The following ERI1 variants were observed in gnomAD, a reference collection of about 807,000 sequenced individuals.
ERI1 encodes exoribonuclease 1.
Under a neutral mutation model 39.7 loss-of-function variants are expected in ERI1, and 39 were observed. The ratio of observed to expected loss-of-function variants is 0.98; its 90% CI spans 0.76 to 1.28. The LOEUF is 1.28. Ranked by LOEUF, ERI1 falls within the 50% of genes most tolerant of loss-of-function variation. The probability of loss-of-function intolerance (pLI) is 0.00; values close to 1 mark genes in which losing one functional copy is unlikely to be tolerated. For synonymous variants in ERI1, 204 were observed against 149.6 expected, an observed-to-expected ratio of 1.36 and a Z score of -2.65; for missense variants, 581 against 416.9, an observed-to-expected ratio of 1.39 and a Z score of -3.43.
chr8:9,074,648 G>A (rs1221130744), intron 3 of ERI1, among the ~76,000 whole-genome samples: 1 of 152,054 alleles, frequency 6.6e-6, no homozygotes, highest in Non-Finnish European at 1.5e-5. Flanking sequence ...TGCCCAGGCT[G>A]GTCTCAAACT....
intron 3 of ERI1, among the ~76,000 whole-genome samples, chr8:9,042,922 T>C (rs1250898888): frequency 6.6e-6 from 1 of 152,210 alleles, no homozygotes. Context: ...CCCTGCATGC[T>C]CCCACGCGCA....
rs139752113 is a variant in ERI1 at position 9,028,219 on chromosome 8, G to C, written c.808-1573G>C. Among the ~76,000 whole-genome samples, 118 of 152,240 alleles carry C rather than the reference G, an allele frequency of 7.8e-4. 1 individual carries two copies. Among genetic ancestry groups the C allele is most frequent in the South Asian group, 5.2e-3 (25 of 4,828 alleles). ...TGGTTCAGCGCTTTTCTTTGTTAGA[G>C]GTTTTCAGTTACTGATTCAGTCTCC... On this transcript the variant is annotated intron_variant, in intron 6 of 6. Transcript: ENST00000250263.
intron 3 of ERI1, among the ~76,000 whole-genome samples, chr8:9,046,361 C>T (rs1204540768): frequency 3.9e-5 from 6 of 152,178 alleles, no homozygotes; most frequent in African/African-American, 9.7e-5. Flanking sequence ...AGCACATATG[C>T]GAGACTGCCT....
At chr8:9,057,035 G>A (rs1230930670) in intron 3 of ERI1, among the ~76,000 whole-genome samples, 4 of 152,146 alleles carry the variant, frequency 2.6e-5, no homozygotes, top group African/African-American at 4.8e-5. Context: ...GTTTCAACAC[G>A]TTGGCCAGGC....
At chr8:9,035,649 A>C (rs1351987310), downstream of ERI1, among the ~76,000 whole-genome samples, 1 of 152,246 alleles carries the variant, frequency 6.6e-6, no homozygotes, top group Non-Finnish European at 1.5e-5. Context: ...AAGGAGATTA[A>C]TGTTGGTTTT....
chr8:9,044,978 C>T (rs866400519), intron 3 of ERI1, among the ~76,000 whole-genome samples: 1 of 152,150 alleles, frequency 6.6e-6, no homozygotes, highest in Non-Finnish European at 1.5e-5. Flanking sequence ...TGGCTCAAGC[C>T]TGTAATCCCA....
chr8:9,037,276 C>T (rs1364556567), downstream of ERI1, among the ~76,000 whole-genome samples: 4 of 152,194 alleles, frequency 2.6e-5, no homozygotes, highest in Non-Finnish European at 5.9e-5. Flanking sequence ...ATCACACTCG[C>T]GTTGAGTCGC....
downstream of ERI1, among the ~76,000 whole-genome samples, chr8:9,038,133 C>G (rs144249711): frequency 7.9e-5 from 12 of 152,308 alleles, no homozygotes; most frequent in African/African-American, 2.4e-4. Flanking sequence ...TCAGTGGAGT[C>G]TCCATACCAT....
At chr8:9,026,722 A>C (rs1460297167) in intron 6 of ERI1, among the ~76,000 whole-genome samples, 4 of 152,194 alleles carry the variant, frequency 2.6e-5, no homozygotes, top group African/African-American at 9.7e-5. Context: ...CAGGTTTTGG[A>C]ATTTTGGATT....
chr8:9,028,831 C>T (rs1797377383), intron 6 of ERI1, among the ~76,000 whole-genome samples: 1 of 151,942 alleles, frequency 6.6e-6, no homozygotes, highest in South Asian at 2.1e-4. Context: ...ACCATGTTGG[C>T]CAGGCTGGTC....
At chr8:9,064,242 TGG>T (rs1798796014) in intron 3 of ERI1, among the ~76,000 whole-genome samples, 4 of 600 alleles carry the variant, frequency 6.7e-3, no homozygotes, top group African/African-American at 6.4e-3. Flanking sequence ...GAAGGGGGGT[TGG>T]GGGGGTTTCT....
At chr8:9,008,976 C>G (rs1001669241) in intron 2 of ERI1, 3 of 456,076 alleles carry the variant, frequency 6.6e-6, no homozygotes, top group Non-Finnish European at 1.3e-5. Context: ...TTGTCTACAT[C>G]ATAATGTATG....
intron 3 of ERI1, among the ~76,000 whole-genome samples, chr8:9,063,795 A>C (rs915945987): frequency 6.6e-6 from 1 of 152,148 alleles, no homozygotes; most frequent in Admixed American, 6.5e-5. Flanking sequence ...GAACCACTGT[A>C]GAGTTTATAC....
rs1395641535 is a variant in ERI1, at chr8:9,030,871, TA to T, written c.*839del. 6.6e-6 allele frequency: 1 copy of T among 152,196 alleles called. No individual in the cohort carries two copies. Among genetic ancestry groups the T allele is most frequent in the Non-Finnish European group, 1.5e-5 (1 of 68,004 alleles). The allele number at this position is 152,196 out of a possible 1,614,324, so 9.4% of individuals were successfully genotyped here. The stretch of plus-strand genomic sequence containing the variant: ...TAATTTTACTTTGTATTCAGTATCG[TA>T]AGTGAGGTTAATAAAGTCAATACTT... On this transcript the variant is annotated 3_prime_UTR_variant, in exon 7 of 7. Transcript: ENST00000250263.
chr8:9,090,436 T>C (rs1166646035), intron 3 of ERI1, among the ~76,000 whole-genome samples: 1 of 152,216 alleles, frequency 6.6e-6, no homozygotes, highest in Non-Finnish European at 1.5e-5. Context: ...TGAAGATCTA[T>C]GTTAAGGGTA....
At chr8:9,020,493 G>T in intron 6 of ERI1, 29 bp downstream of exon 6, 1 of 1,326,918 alleles carries the variant, frequency 7.5e-7, no homozygotes. Context: ...ATAATTACGT[G>T]GTTCTTAATG....
intron 3 of ERI1, among the ~76,000 whole-genome samples, chr8:9,012,483 A>G (rs908622053): frequency 6.6e-6 from 1 of 152,258 alleles, no homozygotes; most frequent in Admixed American, 6.5e-5. Context: ...AAGTATAAAA[A>G]GGTTTTGTGA....
At chr8:9,073,322 T>G (rs1183633240) in intron 3 of ERI1, among the ~76,000 whole-genome samples, 1 of 152,222 alleles carries the variant, frequency 6.6e-6, no homozygotes, top group Admixed American at 6.5e-5. Flanking sequence ...GGAGACTTCT[T>G]TATGGAAGGA....
At chr8:9,097,622 T>A (rs1799916544) in intron 3 of ERI1, among the ~76,000 whole-genome samples, 1 of 150,788 alleles carries the variant, frequency 6.6e-6, no homozygotes, top group African/African-American at 2.5e-5. Flanking sequence ...TGAGCCAAGA[T>A]TGTGCCACTG....
Sources: gnomAD v4.1 joint callset for allele counts (sites outside exome capture counted in the v4.1 genomes callset) on GRCh38, gnomAD v4.1.1 for gene constraint, MANE v1.5 for transcripts, NCBI Gene and HGNC (gene_info 2026-07-23, HGNC 2026-07-21) for gene names.